Variants in HCN1 observed in about 807,000 individuals in gnomAD.
HCN1 encodes hyperpolarization activated cyclic nucleotide gated potassium channel 1, also known as potassium/sodium hyperpolarization-activated cyclic nucleotide-gated channel 1.
In HCN1, 13 loss-of-function variants were observed where a neutral mutation model predicts 78.9. The observed-to-expected ratio is 0.16, with a 90% CI of 0.11 to 0.26. The LOEUF is 0.26. Ranked by LOEUF, HCN1 falls within the 10% of genes least tolerant of loss-of-function variation. The pLI, the probability that HCN1 is intolerant of heterozygous loss-of-function variation, is 1.00. For synonymous variants in HCN1, 552 were observed against 455.5 expected (o/e 1.21, Z -2.70); for missense variants, 810 against 1,154.3 (o/e 0.70, Z 4.32).
intron 1 of HCN1, 70 bp from the exon 2 acceptor site, chr5:45,645,678 A>G: frequency 1.1e-6 from 1 of 906,672 alleles, no homozygotes; most frequent in Non-Finnish European, 1.7e-6. Context: ...ATGAAAAATT[A>G]TTACTGATAT....
chr5:45,583,594 T>A (rs1744135564), intron 2 of HCN1, among the ~76,000 whole-genome samples: 1 of 152,214 alleles, frequency 6.6e-6, no homozygotes. Flanking sequence ...CTCTTGCTTC[T>A]CTAGTTCTTT....
At chr5:45,516,865 T>C (rs922040523) in intron 2 of HCN1, among the ~76,000 whole-genome samples, 3 of 144,224 alleles carry the variant, frequency 2.1e-5, no homozygotes, top group Non-Finnish European at 4.5e-5. Context: ...ATTATGATGT[T>C]CTTCATATCA....
At chr5:45,682,566 C>T (rs1285256734) in intron 1 of HCN1, among the ~76,000 whole-genome samples, 6 of 151,408 alleles carry the variant, frequency 4.0e-5, no homozygotes, top group Admixed American at 3.9e-4. Flanking sequence ...TTATTAAGTG[C>T]CTACTTTATA....
At chr5:45,655,614 C>A (rs1745748863) in intron 1 of HCN1, among the ~76,000 whole-genome samples, 1 of 152,146 alleles carries the variant, frequency 6.6e-6, no homozygotes, top group Non-Finnish European at 1.5e-5. Context: ...AGAGAAGGGG[C>A]ATAGGCTATG....
intron 6 of HCN1, among the ~76,000 whole-genome samples, chr5:45,281,497 G>T (rs1324110474): frequency 1.3e-5 from 2 of 150,378 alleles, no homozygotes; most frequent in South Asian, 4.2e-4. Flanking sequence ...TTATAGCAAT[G>T]CAAGAACAGA....
At chr5:45,687,794 T>C (rs1739837168) in intron 1 of HCN1, among the ~76,000 whole-genome samples, 1 of 152,154 alleles carries the variant, frequency 6.6e-6, no homozygotes, top group African/African-American at 2.4e-5. Flanking sequence ...AATGTACACA[T>C]GCGGGAATTT....
chr5:45,570,458 C>G (rs1743803120), intron 2 of HCN1, among the ~76,000 whole-genome samples: 1 of 152,118 alleles, frequency 6.6e-6, no homozygotes, highest in Non-Finnish European at 1.5e-5. Context: ...ACCATACTAC[C>G]TTACCAGCTG....
At chr5:45,563,720 G>C (rs543831952) in intron 2 of HCN1, among the ~76,000 whole-genome samples, 20 of 150,620 alleles carry the variant, frequency 1.3e-4, no homozygotes, top group African/African-American at 4.6e-4. Context: ...CCTCTTTTTA[G>C]TGAATTTACA....
chr5:45,465,886 T>C (rs933248956), intron 2 of HCN1, among the ~76,000 whole-genome samples: 5 of 152,210 alleles, frequency 3.3e-5, no homozygotes, highest in African/African-American at 9.6e-5. Context: ...GTGACCTTAA[T>C]AAGAAGAAAG....
At chr5:45,383,558 G>A (rs1286168941) in intron 4 of HCN1, among the ~76,000 whole-genome samples, 1 of 152,052 alleles carries the variant, frequency 6.6e-6, no homozygotes, top group Non-Finnish European at 1.5e-5. Context: ...AGCCAGGCAT[G>A]GTGGCACACG....
intron 3 of HCN1, among the ~76,000 whole-genome samples, 162 bp from the exon 4 acceptor site, chr5:45,396,872 ATGT>A (rs1739697916): frequency 3.3e-5 from 5 of 152,156 alleles, no homozygotes. Context: ...GAATTAAATG[ATGT>A]TTTTCAAATC....
intron 2 of HCN1, among the ~76,000 whole-genome samples, chr5:45,626,722 G>C (rs1745169617): frequency 6.6e-6 from 1 of 151,972 alleles, no homozygotes. Context: ...TCTGCAAAAG[G>C]GGAAAACAAT....
intron 1 of HCN1, 130 bp downstream of exon 1, chr5:45,695,539 G>GCCGACGCCGCCGGCAGCGCCAC: frequency 1.1e-6 from 1 of 884,818 alleles, no homozygotes; most frequent in Non-Finnish European, 1.8e-6. Context: ...CTTAGCCCGA[G>GCCGACGCCGCCGGCAGCGCCAC]CCGACGCCGC....
At chr5:45,485,107 A>G (rs541287183) in intron 2 of HCN1, among the ~76,000 whole-genome samples, 18 of 152,164 alleles carry the variant, frequency 1.2e-4, no homozygotes, top group Non-Finnish European at 2.2e-4. Flanking sequence ...CAGCTTCCTT[A>G]TGTTATCACT....
chr5:45,374,788 G>A (rs56826596), intron 4 of HCN1, among the ~76,000 whole-genome samples: 36,214 of 142,028 alleles, frequency 0.25, 5,087 homozygotes, highest in East Asian at 0.43. Flanking sequence ...ATATATGTGT[G>A]TATATATATA....
chr5:45,573,145 GTC>G (rs1743868058), intron 2 of HCN1, among the ~76,000 whole-genome samples: 1 of 152,106 alleles, frequency 6.6e-6, no homozygotes, highest in South Asian at 2.1e-4. Context: ...GCATATAAAT[GTC>G]TCTATTCAAA....
At chr5:45,287,789 C>A (rs1745297570) in intron 6 of HCN1, among the ~76,000 whole-genome samples, 1 of 151,950 alleles carries the variant, frequency 6.6e-6, no homozygotes, top group Non-Finnish European at 1.5e-5. Context: ...TACAAATTGA[C>A]AATTAGATCT....
intron 7 of HCN1, 114 bp downstream of exon 7, chr5:45,266,975 A>T: frequency 1.1e-6 from 1 of 902,500 alleles, no homozygotes; most frequent in South Asian, 1.3e-5. Context: ...TCCCAAAGTG[A>T]TGGGATTACA....
At chr5:45,290,397 C>T (rs1745347066) in intron 6 of HCN1, among the ~76,000 whole-genome samples, 1 of 151,980 alleles carries the variant, frequency 6.6e-6, no homozygotes, top group Non-Finnish European at 1.5e-5. Context: ...ACATTTGAGA[C>T]TACAGTTTCA....
Sources: allele counts gnomAD v4.1 joint callset (sites outside exome capture counted in the v4.1 genomes callset), GRCh38; gene constraint gnomAD v4.1.1; transcripts MANE v1.5; gene names NCBI Gene and HGNC (gene_info 2026-07-23, HGNC 2026-07-21).